CPLX1: variants seen among roughly 807,000 people sequenced by gnomAD.
The protein encoded by CPLX1 is complexin-1.
Under a neutral mutation model 15.6 loss-of-function variants are expected in CPLX1, and 6 were observed. The ratio of observed to expected loss-of-function variants is 0.39; its 90% CI spans 0.21 to 0.76. CPLX1 has a LOEUF of 0.76. CPLX1 is among the 30% of genes least tolerant of loss of function. The probability of loss-of-function intolerance (pLI) is 0.43; values close to 1 mark genes in which losing one functional copy is unlikely to be tolerated. For synonymous variants in CPLX1, 91 were observed against 75.2 expected, an observed-to-expected ratio of 1.21 and a Z score of -1.08; for missense variants, 242 against 188.6, an observed-to-expected ratio of 1.28 and a Z score of -1.66.
At chr4:795,865 C>T (rs991945369) in intron 2 of CPLX1, among the ~76,000 whole-genome samples, 8 of 152,150 alleles carry the variant, frequency 5.3e-5, no homozygotes, top group South Asian at 2.1e-4. Context: ...GACTCCACCG[C>T]CCACCCCACC....
chr4:814,981 C>T (rs1361156816), intron 2 of CPLX1, among the ~76,000 whole-genome samples: 1 of 151,972 alleles, frequency 6.6e-6, no homozygotes, highest in Non-Finnish European at 1.5e-5. Context: ...TGGGGGCTCC[C>T]AAAACAGAGC....
At chr4:807,564 T>G (rs1172395837) in intron 2 of CPLX1, among the ~76,000 whole-genome samples, 1 of 152,020 alleles carries the variant, frequency 6.6e-6, no homozygotes, top group Non-Finnish European at 1.5e-5. Context: ...AACCTCTGCC[T>G]CCTGGGTTCA....
chr4:793,944 G>A (rs1181977312), intron 2 of CPLX1, among the ~76,000 whole-genome samples: 1 of 152,232 alleles, frequency 6.6e-6, no homozygotes, highest in African/African-American at 2.4e-5. Context: ...GTCCAGGTGT[G>A]CCCCCCACCT....
At chr4:799,042 C>CA (rs1746401577) in intron 2 of CPLX1, among the ~76,000 whole-genome samples, 1 of 152,254 alleles carries the variant, frequency 6.6e-6, no homozygotes, top group African/African-American at 2.4e-5. Flanking sequence ...CTCTCACTCC[C>CA]ATGGCCCTTG....
At chr4:808,259 A>T (rs1365812929) in intron 2 of CPLX1, among the ~76,000 whole-genome samples, 1 of 123,490 alleles carries the variant, frequency 8.1e-6, no homozygotes, top group Non-Finnish European at 1.7e-5. Context: ...TAAATAAATA[A>T]AAATAAATAA....
At chr4:787,064 G>A in intron 3 of CPLX1, 1 of 985,346 alleles carries the variant, frequency 1.0e-6, no homozygotes. Flanking sequence ...TGGGCAGGAT[G>A]CTGCGTGGCA....
intron 2 of CPLX1, among the ~76,000 whole-genome samples, chr4:811,504 A>G (rs1746665398): frequency 6.6e-6 from 1 of 152,150 alleles, no homozygotes; most frequent in African/African-American, 2.4e-5. Flanking sequence ...TGTGTTGTTT[A>G]GTTTCCAACT....
chr4:793,645 G>A (rs757635894), intron 2 of CPLX1, among the ~76,000 whole-genome samples: 5 of 152,200 alleles, frequency 3.3e-5, no homozygotes, highest in Non-Finnish European at 7.3e-5. Flanking sequence ...AGCCCTCAGC[G>A]TTGCAGGGGT....
At position 786,511 on chromosome 4, in the gene CPLX1, A is replaced by G; in HGVS notation, c.395T>C (p.Leu132Pro). 1.3e-6 allele frequency: 2 copies of G among 1,587,720 alleles called. No homozygotes were observed. Among genetic ancestry groups the G allele is most frequent in the South Asian group, 2.3e-5 (2 of 87,990 alleles). The change falls in exon 4 of 4, where the codon CTC (leucine) becomes CCC (proline). Residue 132 changes from leucine (L) to proline (P), a missense_variant. Physicochemically the swap from Leu to Pro is moderately conservative, Grantham distance 98. Transcript: ENST00000304062. Reference sequence around the variant, plus strand: ...CTGTCCCGCGCGCGGCTACTTCTTGAGCATGTCCTGCAGCGGCCCGGGCAG... The same window carrying G: ...CTGTCCCGCGCGCGGCTACTTCTTGGGCATGTCCTGCAGCGGCCCGGGCAG... ...KYLPGPLQDMLKK is the reference protein window; with the variant it reads ...KYLPGPLQDMPKK
intron 2 of CPLX1, among the ~76,000 whole-genome samples, chr4:814,533 C>G (rs1237552404): frequency 1.3e-5 from 2 of 152,150 alleles, no homozygotes; most frequent in Non-Finnish European, 2.9e-5. Flanking sequence ...CTCTTCATTC[C>G]TGCCTCATGC....
At chr4:797,616 G>C (rs1051337697) in intron 2 of CPLX1, among the ~76,000 whole-genome samples, 8 of 148,278 alleles carry the variant, frequency 5.4e-5, no homozygotes, top group African/African-American at 1.7e-4. Flanking sequence ...GTGAGCCACT[G>C]AGCCTGGCCA....
rs535706262 is a variant in CPLX1 at position 792,621 on chromosome 4, T to G, written c.32-13A>C. On this transcript the variant is annotated splice_polypyrimidine_tract_variant and intron_variant, in intron 2 of 3. Transcript: ENST00000304062. ...TCCTTGGTGGCCCCTGGTACAGAAG[T>G]TGGTGATTCAGACCGCCCCATTCAG... 6.8e-6 allele frequency: 11 copies of G among 1,606,956 alleles called. No homozygotes were observed. The highest frequency in any genetic ancestry group is 1.7e-5 in the Admixed American group (1 of 59,640).
rs534467690 is a variant in CPLX1 at position 796,635 on chromosome 4, C to T, written c.32-4027G>A. On this transcript the variant is annotated intron_variant, in intron 2 of 3. Transcript: ENST00000304062. ...TGCTTTTTAACTTGAAATAAAACTACGGGGAAAATTATAGAATTGAATGAA... is the reference window on the plus strand; with the variant it reads ...TGCTTTTTAACTTGAAATAAAACTATGGGGAAAATTATAGAATTGAATGAA... Among the ~76,000 whole-genome samples, 9 of 152,160 alleles carry T rather than the reference C, an allele frequency of 5.9e-5. No homozygotes were observed. The East Asian group carries it at 9.7e-4, about 16-fold the overall frequency.
intron 2 of CPLX1, 170 bp from the exon 3 acceptor site, chr4:792,778 T>C (rs1189107161): frequency 4.5e-6 from 3 of 667,178 alleles, no homozygotes; most frequent in Non-Finnish European, 2.5e-6. Flanking sequence ...CATCTGGCCC[T>C]GACCCTCCTG....
chr4:788,338 G>A (rs1290783304), intron 3 of CPLX1: 1 of 985,412 alleles, frequency 1.0e-6, no homozygotes, highest in Non-Finnish European at 1.2e-6. Flanking sequence ...GTGGCTCTGG[G>A]TGTGGGGGGC....
chr4:794,820 C>T lies in CPLX1; in HGVS notation c.32-2212G>A, dbSNP rs180962372. Among the ~76,000 whole-genome samples, 564 of 152,334 alleles carry T rather than the reference C, an allele frequency of 3.7e-3. 3 individuals carry two copies. Among genetic ancestry groups the T allele is most frequent in the Non-Finnish European group, 6.1e-3 (415 of 68,022 alleles). On this transcript the variant is annotated intron_variant, in intron 2 of 3. Transcript: ENST00000304062. The stretch of plus-strand genomic sequence containing the variant: ...GCAGGGGTGGGGAGCTGCAGGGCTT[C>T]TGCAGCTCAGTGGGCTGCCCCTTCC...
intron 3 of CPLX1, chr4:788,529 G>T (rs1237182708): frequency 4.1e-6 from 4 of 985,346 alleles, no homozygotes; most frequent in South Asian, 9.4e-5. Flanking sequence ...AAGAGCACAG[G>T]GTAGGAACGT....
In CPLX1 at chr4:786,335, C is replaced by A; in HGVS notation, c.*166G>T. The A allele has an allele frequency of 1.6e-6, 1 of 622,714 alleles. No homozygotes were observed. The highest frequency in any genetic ancestry group is 2.5e-6 in the Non-Finnish European group (1 of 400,816). The allele number at this position is 622,714 out of a possible 1,614,324, so 38.6% of individuals were successfully genotyped here. On this transcript the variant is annotated 3_prime_UTR_variant, in exon 4 of 4. Coordinates refer to ENST00000304062, the MANE Select transcript of CPLX1 (RefSeq NM_006651.4). ...GCGGACTGGGGGGGTCCTGGGGGCG[C>A]GCGCCCCTTGCCGGGTGAGGGAGGC...
chr4:824,506 T>A lies in CPLX1; in HGVS notation c.17A>T (p.Lys6Met). The change falls in exon 2 of 4, where the codon AAG becomes ATG. Residue 6 changes from lysine to methionine, a missense_variant. Transcript: ENST00000304062. Reference protein sequence around the residue: MEFVMKQALGGATKDM... With the variant: MEFVMMQALGGATKDM... ...CCGCTTCCTACCTCCTAGAGCCTGC[T>A]TCATCACAAACTCCATGGCGATTGC... 1 of 1,612,882 alleles carries A rather than the reference T, an allele frequency of 6.2e-7. No homozygotes were observed. Among genetic ancestry groups the A allele is most frequent in the Non-Finnish European group, 8.5e-7 (1 of 1,179,766 alleles).
Sources: gnomAD v4.1 joint callset for allele counts (sites outside exome capture counted in the v4.1 genomes callset) on GRCh38, gnomAD v4.1.1 for gene constraint, MANE v1.5 for transcripts, NCBI Gene and HGNC (gene_info 2026-07-23, HGNC 2026-07-21) for gene names.